Variants in MAML3 observed in about 807,000 individuals in gnomAD.
The protein encoded by MAML3 is mastermind like transcriptional coactivator 3.
Under a neutral mutation model 101.9 loss-of-function variants are expected in MAML3, and 27 were observed. The observed-to-expected ratio is 0.27, with a 90% CI of 0.20 to 0.37. MAML3 has a LOEUF of 0.37. Among genes scored for constraint, MAML3 ranks in the 10% least tolerant of loss-of-function variants. The probability of loss-of-function intolerance (pLI) is 1.00; values close to 1 mark genes in which losing one functional copy is unlikely to be tolerated. For synonymous variants in MAML3, 501 were observed against 555.9 expected (o/e 0.90, Z 1.39); for missense variants, 1,316 against 1,444.9 (o/e 0.91, Z 1.45).
rs1329645327 is a variant in MAML3, at chr4:139,720,016, C to A, written c.2724G>T (p.Gly908=). ...QGPRQPASGQ[G]VGMVSGFGQS... ...GACCAAAGCCACTCACCATTCCAAC[C>A]CCCTGCCCAGAGGCAGGTTGCCTCG... is the stretch of plus-strand genomic sequence containing the variant. The change falls in exon 5 of 5, where the codon GGG becomes GGT. Residue 908 remains glycine (G), a synonymous_variant. Coordinates refer to ENST00000509479, the MANE Select transcript of MAML3 (RefSeq NM_018717.5). 1.9e-6 allele frequency: 3 copies of A among 1,614,072 alleles called. No homozygotes were observed. In the Admixed American group the frequency reaches 5.0e-5, roughly 27 times the overall value.
At chr4:139,918,910 A>G (rs1014731711) in intron 1 of MAML3, among the ~76,000 whole-genome samples, 9 of 152,146 alleles carry the variant, frequency 5.9e-5, no homozygotes, top group Non-Finnish European at 1.3e-4. Context: ...CCTGCAAGAG[A>G]AATTTGGATT....
chr4:139,795,063 C>T (rs374352470), intron 2 of MAML3, among the ~76,000 whole-genome samples: 36 of 152,166 alleles, frequency 2.4e-4, no homozygotes, highest in East Asian at 7.7e-4. Context: ...TCAGAAAGGG[C>T]AGCCACAGAG....
intron 1 of MAML3, among the ~76,000 whole-genome samples, chr4:140,025,127 C>T (rs1214238512): frequency 6.6e-6 from 1 of 152,132 alleles, no homozygotes; most frequent in Non-Finnish European, 1.5e-5. Flanking sequence ...TGGACTTTGT[C>T]GGGATCCTGA....
At chr4:140,087,452 T>A (rs1007606540) in intron 1 of MAML3, among the ~76,000 whole-genome samples, 2 of 152,256 alleles carry the variant, frequency 1.3e-5, no homozygotes, top group Admixed American at 1.3e-4. Context: ...ACTTTATTCT[T>A]CACAATGATT....
At chr4:139,910,119 T>A (rs6857266) in intron 1 of MAML3, among the ~76,000 whole-genome samples, 8,608 of 152,232 alleles carry the variant, frequency 0.057, 394 homozygotes, top group African/African-American at 0.13. Flanking sequence ...AAATGAGAAC[T>A]AAGAGACCAC....
At chr4:139,971,421 T>C (rs997372025) in intron 1 of MAML3, among the ~76,000 whole-genome samples, 2 of 152,258 alleles carry the variant, frequency 1.3e-5, no homozygotes, top group African/African-American at 2.4e-5. Flanking sequence ...TTTAATGATA[T>C]TGGTATCTGA....
chr4:139,889,212 A>T, intron 2 of MAML3, 145 bp downstream of exon 2: 1 of 1,477,540 alleles, frequency 6.8e-7, no homozygotes, highest in African/African-American at 1.4e-5. Context: ...AACACTCCAA[A>T]CCTGGCCACT....
At chr4:140,145,767 T>C (rs748078681) in intron 1 of MAML3, among the ~76,000 whole-genome samples, 2 of 152,062 alleles carry the variant, frequency 1.3e-5, no homozygotes, top group Non-Finnish European at 2.9e-5. Flanking sequence ...GGTTTCACCA[T>C]GTTGGTCAGG....
At chr4:140,001,947 TTAAAATTGTG>T (rs1279584599) in intron 1 of MAML3, among the ~76,000 whole-genome samples, 1 of 152,224 alleles carries the variant, frequency 6.6e-6, no homozygotes, top group East Asian at 1.9e-4. Flanking sequence ...AATTCATAAA[TTAAAATTGTG>T]TTTATGGTGT....
chr4:140,035,795 A>C (rs558739628), intron 1 of MAML3, among the ~76,000 whole-genome samples: 2 of 152,142 alleles, frequency 1.3e-5, no homozygotes, highest in Non-Finnish European at 2.9e-5. Flanking sequence ...AAAAAAAAAA[A>C]AACCCAAAAA....
intron 1 of MAML3, among the ~76,000 whole-genome samples, chr4:140,034,800 T>G (rs933719735): frequency 6.6e-6 from 1 of 152,244 alleles, no homozygotes; most frequent in African/African-American, 2.4e-5. Context: ...TTTGAATCCC[T>G]GCTTGTCTAA....
intron 2 of MAML3, among the ~76,000 whole-genome samples, chr4:139,758,328 C>T (rs946364221): frequency 3.9e-5 from 6 of 152,162 alleles, no homozygotes; most frequent in African/African-American, 9.7e-5. Flanking sequence ...CCTGAGTATA[C>T]GTTGCTGTGT....
intron 1 of MAML3, among the ~76,000 whole-genome samples, chr4:140,104,396 T>TATATA (rs201601138): frequency 0.13 from 9,454 of 73,574 alleles, 1,035 homozygotes; most frequent in Middle Eastern, 0.32. Flanking sequence ...TATTATATAT[T>TATATA]ATATAATATA....
chr4:139,810,185 A>AT (rs757041549), intron 2 of MAML3, among the ~76,000 whole-genome samples: 2,663 of 114,588 alleles, frequency 0.023, 90 homozygotes, highest in African/African-American at 0.059. Context: ...ACCAAAATTG[A>AT]TTTTTTTTTT....
intron 1 of MAML3, among the ~76,000 whole-genome samples, chr4:140,007,685 G>A (rs1354363763): frequency 6.6e-6 from 1 of 152,212 alleles, no homozygotes; most frequent in Admixed American, 6.5e-5. Flanking sequence ...AAATGGGAAA[G>A]CCAAGCTGAT....
intron 2 of MAML3, among the ~76,000 whole-genome samples, chr4:139,749,976 A>G (rs1489285154): frequency 6.6e-6 from 1 of 151,224 alleles, no homozygotes; most frequent in Non-Finnish European, 1.5e-5. Context: ...AACAGCTATC[A>G]TTTCATTAAT....
intron 1 of MAML3, among the ~76,000 whole-genome samples, chr4:140,025,260 T>G (rs1311861101): frequency 6.6e-6 from 1 of 152,112 alleles, no homozygotes; most frequent in Non-Finnish European, 1.5e-5. Flanking sequence ...ATATGAGAAC[T>G]CTCCATTTTT....
In MAML3 at chr4:139,751,843, C is replaced by A. The variant is rs1027391592; in HGVS notation, c.2080-21176G>T. On this transcript the variant is annotated intron_variant, in intron 2 of 4. Transcript: ENST00000509479. Reference sequence around the variant, plus strand: ...CTTTGACCTCTAATCCGCAAAGTATCCATTCTTATCTCTTATAGTGTCTGC... The same window carrying A: ...CTTTGACCTCTAATCCGCAAAGTATACATTCTTATCTCTTATAGTGTCTGC... 3.3e-5 allele frequency among the ~76,000 whole-genome samples: 5 copies of A among 152,312 alleles called. No individual in the cohort carries two copies. In the East Asian group the frequency reaches 9.6e-4, roughly 29 times the overall value.
chr4:140,064,258 A>C (rs1242490654), intron 1 of MAML3, among the ~76,000 whole-genome samples: 1 of 152,192 alleles, frequency 6.6e-6, no homozygotes, highest in African/African-American at 2.4e-5. Flanking sequence ...AGGAAAAAAA[A>C]TGTATTCTAT....
Sources: allele counts gnomAD v4.1 joint callset (sites outside exome capture counted in the v4.1 genomes callset), GRCh38; gene constraint gnomAD v4.1.1; transcripts MANE v1.5; gene names NCBI Gene and HGNC (gene_info 2026-07-23, HGNC 2026-07-21).